PTGER4: variants seen among roughly 807,000 people sequenced by gnomAD.
PTGER4 encodes prostaglandin E2 receptor EP4 subtype.
PTGER4 carries 11 observed loss-of-function variants against 33.2 expected under a neutral mutation model. The observed-to-expected ratio is 0.33, with a 90% CI of 0.21 to 0.55. The LOEUF (loss-of-function observed/expected upper bound fraction) is 0.55, where lower values mean the gene tolerates loss of function less well. Among genes scored for constraint, PTGER4 ranks in the 20% least tolerant of loss-of-function variants. The pLI is 0.92. For synonymous variants in PTGER4, 275 were observed against 281.5 expected, an observed-to-expected ratio of 0.98 and a Z score of 0.23; for missense variants, 481 against 650.2, an observed-to-expected ratio of 0.74 and a Z score of 2.83.
In PTGER4 at chr5:40,681,763, G is replaced by A. The variant is rs2111784812; in HGVS notation, c.770G>A (p.Arg257His). The change falls in exon 2 of 3, where the codon CGC (arginine) becomes CAC (histidine). Residue 257 changes from arginine to histidine, a missense_variant. By Grantham distance (29) the Arg-to-His change is conservative (BLOSUM62 0). Transcript: ENST00000302472. The surrounding 1 kb of genome is among the most constrained non-coding windows in gnomAD (Gnocchi z 9.8). ...ALPRLSDFRR[R>H]RSFRRIAGAE... ...CCGCGCCTCAGCGACTTTCGGCGCC[G>A]CCGGAGCTTCCGCCGCATCGCGGGC... 1 of 1,594,892 alleles carries A rather than the reference G, an allele frequency of 6.3e-7. No individual in the cohort carries two copies.
chr5:40,740,682 G>A, the PTGER4 span, among the ~76,000 whole-genome samples: 3 of 152,144 alleles, frequency 2.0e-5, no homozygotes, highest in Admixed American at 1.3e-4. Flanking sequence ...ACTTTCTTTA[G>A]ATAATATGAC....
At chr5:40,718,623 G>A in the PTGER4 span, among the ~76,000 whole-genome samples, 3 of 151,616 alleles carry the variant, frequency 2.0e-5, no homozygotes, top group African/African-American at 7.3e-5. Context: ...TCCACGTGGT[G>A]GCTACTCAGG....
At chr5:40,724,658 A>G in the PTGER4 span, among the ~76,000 whole-genome samples, 1 of 152,042 alleles carries the variant, frequency 6.6e-6, no homozygotes, top group South Asian at 2.1e-4. Context: ...AAACAAACAA[A>G]AAAAAACAGA....
the PTGER4 span, among the ~76,000 whole-genome samples, chr5:40,710,397 G>T: frequency 1.3e-4 from 20 of 152,328 alleles, no homozygotes; most frequent in African/African-American, 4.3e-4. Context: ...ACACCAGTTA[G>T]AATGGCAATC....
the PTGER4 span, among the ~76,000 whole-genome samples, chr5:40,700,989 A>G: frequency 1.3e-5 from 2 of 152,198 alleles, no homozygotes; most frequent in East Asian, 1.9e-4. Flanking sequence ...AAGACCCTAC[A>G]TAAAGCCTCA....
the PTGER4 span, chr5:40,728,466 G>A: frequency 2.5e-6 from 4 of 1,609,330 alleles, no homozygotes; most frequent in African/African-American, 5.4e-5. Context: ...TTCATGAAGA[G>A]ACATTAGCAC....
the PTGER4 span, among the ~76,000 whole-genome samples, chr5:40,718,727 G>C: frequency 6.6e-6 from 1 of 151,368 alleles, no homozygotes; most frequent in African/African-American, 2.4e-5. Context: ...GACAGAGCAA[G>C]ATTCCGTCTC....
the PTGER4 span, among the ~76,000 whole-genome samples, chr5:40,721,560 A>G: frequency 4.1e-3 from 631 of 152,266 alleles, 3 homozygotes; most frequent in African/African-American, 0.015. Flanking sequence ...CCGCGTGCAA[A>G]AGAATGAAAA....
At chr5:40,702,874 T>C in the PTGER4 span, among the ~76,000 whole-genome samples, 1 of 152,122 alleles carries the variant, frequency 6.6e-6, no homozygotes, top group Non-Finnish European at 1.5e-5. Context: ...CTCAAAACCA[T>C]AAAATTACAT....
chr5:40,725,587 C>G, the PTGER4 span, among the ~76,000 whole-genome samples: 1 of 152,118 alleles, frequency 6.6e-6, no homozygotes, highest in African/African-American at 2.4e-5. Flanking sequence ...AAAGCTAGTT[C>G]CAGCACTGAA....
chr5:40,681,844 G>T lies in PTGER4; in HGVS notation c.851G>T (p.Cys284Phe). The T allele has an allele frequency of 6.6e-7, 1 of 1,526,134 alleles. No individual in the cohort carries two copies. The highest frequency in any genetic ancestry group is 8.8e-7 in the Non-Finnish European group (1 of 1,141,006). 94.5% of individuals were successfully genotyped at this position (1,526,134 alleles called of 1,614,324 possible). A position where few individuals can be genotyped will look rare whatever the true frequency, so the allele number is the denominator to read the frequency against. ...GCCACCTCCCTGGTGGTGCTCATCT[G>T]CTCCATCCCGCTCGTGGTGAGTGAC... Reference protein sequence around the residue: ...LIATSLVVLICSIPLVVRVFV... With the variant: ...LIATSLVVLIFSIPLVVRVFV... The change falls in exon 2 of 3, where the codon TGC becomes TTC. Residue 284 changes from cysteine to phenylalanine, a missense_variant. This residue lies in a region of PTGER4 where 174 missense variants were observed against 210.5 expected (regional missense o/e 0.83). Coordinates refer to ENST00000302472, the MANE Select transcript of PTGER4 (RefSeq NM_000958.3). This position sits in a 1 kb window ranked among gnomAD's most constrained non-coding sequence, Gnocchi z 9.8.
chr5:40,691,113 C>T lies in PTGER4; in HGVS notation c.868-666C>T, dbSNP rs1434486856. 6.6e-6 allele frequency among the ~76,000 whole-genome samples: 1 copy of T among 152,194 alleles called. No homozygotes were observed. The highest frequency in any genetic ancestry group is 2.4e-5 in the African/African-American group (1 of 41,446). On this transcript the variant is annotated intron_variant, in intron 2 of 2. Transcript: ENST00000302472. This position sits in a 1 kb window ranked among gnomAD's most constrained non-coding sequence, Gnocchi z 4.2. ...TCAGCTCACTGCAACCTCCACCCGCCGCATTCAAGCCATTCTCCTGCCTCA... is the reference window on the plus strand; with the variant it reads ...TCAGCTCACTGCAACCTCCACCCGCTGCATTCAAGCCATTCTCCTGCCTCA...
downstream of PTGER4, among the ~76,000 whole-genome samples, chr5:40,694,047 TA>T (rs759843739): frequency 6.6e-6 from 1 of 152,110 alleles, no homozygotes; most frequent in Non-Finnish European, 1.5e-5. Context: ...TTTTTATTTT[TA>T]TTTTTTTATT....
chr5:40,692,647 A>C lies in PTGER4; in HGVS notation c.*269A>C. 1 of 1,171,418 alleles carries C rather than the reference A, an allele frequency of 8.5e-7. No individual in the cohort carries two copies. Among genetic ancestry groups the C allele is most frequent in the African/African-American group, 1.6e-5 (1 of 63,534 alleles). 72.6% of individuals were successfully genotyped at this position (1,171,418 alleles called of 1,614,324 possible). ...GCGAAGACCTACCCTCCGTTTTTCT[A>C]CTAGATAGGAGGATGGTAGAAGTTT... On this transcript the variant is annotated 3_prime_UTR_variant, in exon 3 of 3. Transcript: ENST00000302472.
At position 40,691,933 on chromosome 5, in the gene PTGER4, T is replaced by C; in HGVS notation, c.1022T>C (p.Ile341Thr). 6.2e-7 allele frequency: 1 copy of C among 1,614,210 alleles called. No individual in the cohort carries two copies. The highest frequency in any genetic ancestry group is 8.5e-7 in the Non-Finnish European group (1 of 1,180,036). ...AGAAAGACAGTGCTCAGTAAAGCAA[T>C]AGAGAAGATCAAATGCCTCTTCTGC... ...LLRKTVLSKA[I>T]EKIKCLFCRI... The change falls in exon 3 of 3, where the codon ATA becomes ACA. Residue 341 changes from isoleucine (I) to threonine (T), a missense_variant. Transcript: ENST00000302472. The surrounding 1 kb of genome is among the most constrained non-coding windows in gnomAD (Gnocchi z 4.2).
chr5:40,746,021 A>C, the PTGER4 span, among the ~76,000 whole-genome samples: 1 of 152,164 alleles, frequency 6.6e-6, no homozygotes, highest in African/African-American at 2.4e-5. Flanking sequence ...TACCTTTCAC[A>C]AATTTTTAAT....
downstream of PTGER4, among the ~76,000 whole-genome samples, chr5:40,697,302 A>C (rs914974831): frequency 1.1e-4 from 16 of 144,266 alleles, no homozygotes; most frequent in Non-Finnish European, 1.8e-4. Flanking sequence ...AAGAAAAAGA[A>C]AGGCCAGGCA....
the PTGER4 span, chr5:40,716,639 A>G: frequency 1.6e-6 from 1 of 607,066 alleles, no homozygotes; most frequent in Non-Finnish European, 2.8e-6. Context: ...CAAAAGATGG[A>G]AGCTACGGTG....
At chr5:40,707,707 C>A in the PTGER4 span, among the ~76,000 whole-genome samples, 1 of 152,174 alleles carries the variant, frequency 6.6e-6, no homozygotes, top group African/African-American at 2.4e-5. Context: ...GAACTCTCCA[C>A]CCCAAATCAA....
Sources: allele counts gnomAD v4.1 joint callset (sites outside exome capture counted in the v4.1 genomes callset), GRCh38; gene constraint gnomAD v4.1.1; regional missense constraint gnomAD v4.1.1; non-coding constraint Gnocchi (gnomAD v3.1); transcripts MANE v1.5; gene names NCBI Gene and HGNC (gene_info 2026-07-23, HGNC 2026-07-21).